Variants in DPP6 observed in about 807,000 individuals in gnomAD.
DPP6 encodes dipeptidyl peptidase like 6.
In DPP6, 69 loss-of-function variants were observed where a neutral mutation model predicts 122.6. The observed-to-expected ratio is 0.56, with a 90% CI of 0.46 to 0.69. The LOEUF (loss-of-function observed/expected upper bound fraction) is 0.69. Among genes scored for constraint, DPP6 ranks in the 30% least tolerant of loss-of-function variants. The pLI, the probability that DPP6 is intolerant of heterozygous loss-of-function variation, is 0.00. For missense variants in DPP6, 928 were observed against 1,116.9 expected, an observed-to-expected ratio of 0.83 and a Z score of 2.41; for synonymous variants, 418 against 433.1, an observed-to-expected ratio of 0.97 and a Z score of 0.43.
chr7:154,022,708 C>T (rs1317783566), intron 1 of DPP6, among the ~76,000 whole-genome samples: 1 of 152,184 alleles, frequency 6.6e-6, no homozygotes, highest in African/African-American at 2.4e-5. Context: ...TTCATCATGA[C>T]TTCGTATCTC....
At chr7:153,759,162 C>T in the DPP6 span, among the ~76,000 whole-genome samples, 1 of 151,994 alleles carries the variant, frequency 6.6e-6, no homozygotes, top group Admixed American at 6.6e-5. Flanking sequence ...TATTTCCATC[C>T]ACATATCCTC....
chr7:154,148,556 C>A (rs1426782258), intron 1 of DPP6, among the ~76,000 whole-genome samples: 1 of 151,992 alleles, frequency 6.6e-6, no homozygotes, highest in Admixed American at 6.5e-5. Flanking sequence ...GATCTAGAGA[C>A]CCCCAGAGCT....
the DPP6 span, among the ~76,000 whole-genome samples, chr7:153,794,843 G>C: frequency 6.6e-6 from 1 of 152,180 alleles, no homozygotes; most frequent in Admixed American, 6.5e-5. Flanking sequence ...TGTGAGATCT[G>C]ATGGGTTTAT....
At chr7:154,226,364 A>G (rs1449614110) in intron 1 of DPP6, among the ~76,000 whole-genome samples, 1 of 152,202 alleles carries the variant, frequency 6.6e-6, no homozygotes, top group African/African-American at 2.4e-5. Flanking sequence ...TTCAGATGTA[A>G]ACAGCAGGGT....
At chr7:154,285,988 T>G (rs1007950041) in intron 1 of DPP6, among the ~76,000 whole-genome samples, 1 of 152,202 alleles carries the variant, frequency 6.6e-6, no homozygotes, top group Non-Finnish European at 1.5e-5. Flanking sequence ...TGTCATCCAT[T>G]TTTCCCTGTC....
chr7:154,372,410 C>T (rs1380265604), intron 1 of DPP6, among the ~76,000 whole-genome samples: 1 of 152,152 alleles, frequency 6.6e-6, no homozygotes, highest in Non-Finnish European at 1.5e-5. Flanking sequence ...CCTGCCCCAC[C>T]ATGAGTCGCC....
chr7:153,857,371 T>C, the DPP6 span, among the ~76,000 whole-genome samples: 1 of 145,810 alleles, frequency 6.9e-6, no homozygotes, highest in African/African-American at 2.5e-5. Flanking sequence ...AGCATGTGTA[T>C]ATAAAATTGC....
intron 1 of DPP6, among the ~76,000 whole-genome samples, chr7:154,032,264 C>G (rs1424827588): frequency 6.6e-6 from 1 of 152,036 alleles, no homozygotes; most frequent in African/African-American, 2.4e-5. Flanking sequence ...GGGACAAGGA[C>G]GTTGCAGGTG....
chr7:154,493,835 A>C (rs1450145810), intron 3 of DPP6, among the ~76,000 whole-genome samples: 1 of 152,084 alleles, frequency 6.6e-6, no homozygotes, highest in Non-Finnish European at 1.5e-5. Context: ...TTTTGTTTTG[A>C]TTTGGTTTGG....
At chr7:154,590,108 AAC>A (rs1169506942) in intron 5 of DPP6, among the ~76,000 whole-genome samples, 1 of 152,116 alleles carries the variant, frequency 6.6e-6, no homozygotes, top group East Asian at 1.9e-4. Flanking sequence ...AGTTGGGAAA[AAC>A]ACAAACCGAT....
At chr7:154,825,029 T>G (rs2150506310) in intron 16 of DPP6, among the ~76,000 whole-genome samples, 1 of 152,350 alleles carries the variant, frequency 6.6e-6, no homozygotes, top group East Asian at 1.9e-4. Context: ...TTTTAAATGT[T>G]GACAACCCAT....
intron 1 of DPP6, among the ~76,000 whole-genome samples, chr7:154,074,074 TAG>T (rs1303506148): frequency 1.3e-5 from 2 of 151,786 alleles, no homozygotes; most frequent in African/African-American, 2.4e-5. Context: ...TATATACATA[TAG>T]AGAGAGATAT....
At chr7:154,559,412 C>G (rs562478671) in intron 4 of DPP6, among the ~76,000 whole-genome samples, 1 of 146,038 alleles carries the variant, frequency 6.8e-6, no homozygotes, top group Non-Finnish European at 1.5e-5. Context: ...GACTAATATA[C>G]CTGTCATTAA....
chr7:154,769,597 A>C (rs1374522032), intron 9 of DPP6, 26 bp downstream of exon 9: 2 of 1,547,642 alleles, frequency 1.3e-6, no homozygotes, highest in East Asian at 2.3e-5. Flanking sequence ...CCGCACAGCA[A>C]ATTCTTTATA....
intron 1 of DPP6, among the ~76,000 whole-genome samples, chr7:154,063,215 C>A (rs576479275): frequency 7.5e-6 from 1 of 133,126 alleles, no homozygotes; most frequent in South Asian, 2.7e-4. Context: ...AGGCACCCCC[C>A]CGCGAGGCAG....
intron 1 of DPP6, among the ~76,000 whole-genome samples, chr7:154,346,425 G>C (rs1157422856): frequency 6.6e-6 from 1 of 152,052 alleles, no homozygotes; most frequent in Non-Finnish European, 1.5e-5. Context: ...TCCTGCCTCA[G>C]CCTCCCAAGT....
chr7:154,145,322 G>T (rs1372772284), intron 1 of DPP6, among the ~76,000 whole-genome samples: 1 of 152,146 alleles, frequency 6.6e-6, no homozygotes, highest in Non-Finnish European at 1.5e-5. Context: ...AGAGCTGCAG[G>T]TGCCTCTAGC....
At chr7:154,342,379 A>G (rs533114110) in intron 1 of DPP6, among the ~76,000 whole-genome samples, 1 of 152,308 alleles carries the variant, frequency 6.6e-6, no homozygotes, top group East Asian at 1.9e-4. Flanking sequence ...AGGCCTTCAC[A>G]TGTTTGGGGG....
intron 7 of DPP6, among the ~76,000 whole-genome samples, chr7:154,721,070 G>T (rs1233938135): frequency 6.6e-6 from 1 of 152,224 alleles, no homozygotes; most frequent in South Asian, 2.1e-4. Context: ...CTGACATCAG[G>T]TTCCTTCTGA....
Sources: allele counts gnomAD v4.1 joint callset (sites outside exome capture counted in the v4.1 genomes callset), GRCh38; gene constraint gnomAD v4.1.1; transcripts MANE v1.5; gene names NCBI Gene and HGNC (gene_info 2026-07-23, HGNC 2026-07-21).